PTPRE: variants seen among roughly 807,000 people sequenced by gnomAD.
PTPRE encodes protein tyrosine phosphatase receptor type E, also known as receptor-type tyrosine-protein phosphatase epsilon.
A neutral mutation model predicts 102.0 loss-of-function variants in PTPRE; 51 were observed. The observed-to-expected ratio is 0.50, with a 90% CI of 0.40 to 0.63. The LOEUF is 0.63. Among genes scored for constraint, PTPRE ranks in the 30% least tolerant of loss-of-function variants. The pLI, the probability that PTPRE is intolerant of heterozygous loss-of-function variation, is 0.00. For synonymous variants in PTPRE, 345 were observed against 348.2 expected, an observed-to-expected ratio of 0.99 and a Z score of 0.10; for missense variants, 752 against 915.1, an observed-to-expected ratio of 0.82 and a Z score of 2.30.
intron 2 of PTPRE, among the ~76,000 whole-genome samples, chr10:128,036,289 A>G (rs1490239848): frequency 7.1e-6 from 1 of 140,890 alleles, no homozygotes; most frequent in Admixed American, 7.1e-5. Flanking sequence ...TGCCTCCCCC[A>G]CACGCTGCAC....
intron 2 of PTPRE, among the ~76,000 whole-genome samples, chr10:127,995,823 G>GCACACACACACACA (rs143328396): frequency 2.0e-5 from 3 of 148,216 alleles, no homozygotes; most frequent in Non-Finnish European, 4.5e-5. Context: ...CTCTACACGA[G>GCACACACACACACA]CACACACACA....
chr10:127,909,224 C>G (rs574356779), intron 1 of PTPRE, among the ~76,000 whole-genome samples: 4 of 152,148 alleles, frequency 2.6e-5, no homozygotes, highest in South Asian at 2.1e-4. Flanking sequence ...AGAGTAGATG[C>G]GGCTGTGTGT....
intron 18 of PTPRE, 143 bp downstream of exon 18, chr10:128,076,871 G>T: frequency 1.7e-6 from 2 of 1,178,652 alleles, no homozygotes; most frequent in Non-Finnish European, 2.4e-6. Context: ...AATGGCCAAT[G>T]GGTTTCAGAG....
rs1590011943 is a variant in PTPRE, at chr10:128,014,542, AAAG to A, written c.-7-26328_-7-26326del. Among the ~76,000 whole-genome samples, 3 of 152,156 alleles carry A rather than the reference AAAG, an allele frequency of 2.0e-5. No individual in the cohort carries two copies. The South Asian group carries it at 6.2e-4, about 32-fold the overall frequency. On this transcript the variant is annotated intron_variant, in intron 2 of 20. Transcript: ENST00000254667. Reference sequence around the variant, plus strand: ...GAGGAGGGCGGATTTATTTTTAATAAAAGAAGATTAAAATCTGTGTATCTGCAG... The same window carrying A: ...GAGGAGGGCGGATTTATTTTTAATAAAAGATTAAAATCTGTGTATCTGCAG...
At chr10:127,949,579 T>C (rs1481157266) in intron 1 of PTPRE, among the ~76,000 whole-genome samples, 1 of 152,166 alleles carries the variant, frequency 6.6e-6, no homozygotes, top group Non-Finnish European at 1.5e-5. Flanking sequence ...CTGATACGTT[T>C]GAACATTTGA....
chr10:127,974,565 G>T (rs1354342356), intron 1 of PTPRE, among the ~76,000 whole-genome samples: 2 of 152,154 alleles, frequency 1.3e-5, no homozygotes, highest in African/African-American at 4.8e-5. Flanking sequence ...TTATAAGCCT[G>T]TCCTCTGGAC....
intron 2 of PTPRE, chr10:128,000,094 G>C (rs1024466222): frequency 1.7e-5 from 9 of 537,846 alleles, no homozygotes; most frequent in African/African-American, 2.1e-5. Flanking sequence ...GTTGTTACTG[G>C]TTGATAATTT....
At chr10:128,010,465 A>C (rs1844887211) in intron 2 of PTPRE, among the ~76,000 whole-genome samples, 1 of 152,176 alleles carries the variant, frequency 6.6e-6, no homozygotes, top group Non-Finnish European at 1.5e-5. Flanking sequence ...TTCCCAGCCC[A>C]GTGCTCTCTG....
intron 2 of PTPRE, among the ~76,000 whole-genome samples, chr10:128,021,043 C>T (rs10829318): frequency 0.37 from 55,945 of 151,432 alleles, 10,447 homozygotes; most frequent in East Asian, 0.43. Flanking sequence ...TACAGGTGCC[C>T]GCCCCCACAC....
intron 1 of PTPRE, among the ~76,000 whole-genome samples, chr10:127,954,397 T>G (rs535493193): frequency 6.6e-6 from 1 of 152,300 alleles, no homozygotes; most frequent in Non-Finnish European, 1.5e-5. Context: ...GGGCAGTGTT[T>G]TTTCCTTACT....
At chr10:128,074,436 C>T (rs573319012) in intron 17 of PTPRE, among the ~76,000 whole-genome samples, 268 of 152,296 alleles carry the variant, frequency 1.8e-3, no homozygotes, top group African/African-American at 6.3e-3. Context: ...GAGTCCAAGG[C>T]GGGCAGATCA....
At chr10:128,005,536 A>G (rs1244894423) in intron 2 of PTPRE, among the ~76,000 whole-genome samples, 1 of 152,200 alleles carries the variant, frequency 6.6e-6, no homozygotes, top group African/African-American at 2.4e-5. Flanking sequence ...GTTTTAACAT[A>G]ATGTATTTGA....
rs1004257221 is a variant in PTPRE, at chr10:128,019,407, C to T, written c.-7-21468C>T. Among the ~76,000 whole-genome samples, 3 of 152,252 alleles carry T rather than the reference C, an allele frequency of 2.0e-5. No homozygotes were observed. The East Asian group carries it at 5.8e-4, about 29-fold the overall frequency. ...GCTGTTTTTGCGGGGTCACTGCCCT[C>T]CTCTCATCCCAGCGTGGCCTCAGCC... On this transcript the variant is annotated intron_variant, in intron 2 of 20. Coordinates refer to ENST00000254667, the MANE Select transcript of PTPRE (RefSeq NM_006504.6).
At chr10:127,964,697 C>T (rs1327434044) in intron 1 of PTPRE, 2 of 187,470 alleles carry the variant, frequency 1.1e-5, no homozygotes, top group African/African-American at 4.7e-5. Flanking sequence ...CTGGCAATTA[C>T]TCTTTCTCGA....
intron 2 of PTPRE, among the ~76,000 whole-genome samples, chr10:128,017,353 T>C (rs370610664): frequency 5.3e-5 from 8 of 152,222 alleles, no homozygotes; most frequent in East Asian, 3.9e-4. Flanking sequence ...GATGGGCCAG[T>C]GTGCACATTG....
intron 2 of PTPRE, among the ~76,000 whole-genome samples, chr10:128,001,714 GGAT>G (rs567244978): frequency 3.1e-4 from 47 of 152,284 alleles, no homozygotes; most frequent in African/African-American, 1.0e-3. Flanking sequence ...GTCTGCCATG[GGAT>G]GATGACATGT....
rs115994026 is a variant in PTPRE, at chr10:127,923,285, C to G, written c.-31+15976C>G. Among the ~76,000 whole-genome samples, 368 of 152,298 alleles carry G rather than the reference C, an allele frequency of 2.4e-3. 1 individual carries two copies. The highest frequency in any genetic ancestry group is 8.3e-3 in the African/African-American group (346 of 41,554). On this transcript the variant is annotated intron_variant, in intron 1 of 20. Transcript: ENST00000254667. Reference sequence around the variant, plus strand: ...CAGAAGCAGACAGAGTGTGGGGACACCCTGACCTGGCCCCAGGAGTCTTGG... The same window carrying G: ...CAGAAGCAGACAGAGTGTGGGGACAGCCTGACCTGGCCCCAGGAGTCTTGG...
chr10:127,961,279 T>C (rs1290485040), intron 1 of PTPRE, among the ~76,000 whole-genome samples: 1 of 152,208 alleles, frequency 6.6e-6, no homozygotes, highest in African/African-American at 2.4e-5. Flanking sequence ...CCTATGGTTG[T>C]TGGTGACAGC....
At chr10:127,975,303 C>T (rs1851064293) in intron 1 of PTPRE, among the ~76,000 whole-genome samples, 1 of 152,224 alleles carries the variant, frequency 6.6e-6, no homozygotes, top group African/African-American at 2.4e-5. Flanking sequence ...ATCCAGAGGG[C>T]TGTTTACCAA....
Sources: allele counts gnomAD v4.1 joint callset (sites outside exome capture counted in the v4.1 genomes callset), GRCh38; gene constraint gnomAD v4.1.1; transcripts MANE v1.5; gene names NCBI Gene and HGNC (gene_info 2026-07-23, HGNC 2026-07-21).